OTULIN: variants seen among roughly 807,000 people sequenced by gnomAD.
OTULIN encodes the protein OTU deubiquitinase with linear linkage specificity.
In OTULIN, 15 loss-of-function variants were observed where a neutral mutation model predicts 39.6. The observed-to-expected ratio is 0.38, with a 90% CI of 0.25 to 0.58. The LOEUF (loss-of-function observed/expected upper bound fraction) is 0.58, where lower values mean the gene tolerates loss of function less well. Among genes scored for constraint, OTULIN ranks in the 20% least tolerant of loss-of-function variants. OTULIN has a pLI of 0.66. For synonymous variants in OTULIN, 156 were observed against 170.3 expected, an observed-to-expected ratio of 0.92 and a Z score of 0.65; for missense variants, 319 against 445.9, an observed-to-expected ratio of 0.72 and a Z score of 2.56.
At chr5:14,704,687 G>A (rs988080428), downstream of OTULIN, 1 of 152,122 alleles carries the variant, frequency 6.6e-6, no homozygotes, top group Non-Finnish European at 1.5e-5. Context: ...AATCTCTCAG[G>A]TAAATTTGAT....
At chr5:14,665,049 TG>T in intron 1 of OTULIN, 72 bp downstream of exon 1, 1 of 960,042 alleles carries the variant, frequency 1.0e-6, no homozygotes, top group Non-Finnish European at 1.2e-6. Flanking sequence ...CGGGCTGGGG[TG>T]GGGAGTCGTC....
At chr5:14,689,134 C>A (rs957801354) in intron 5 of OTULIN, among the ~76,000 whole-genome samples, 8 of 152,238 alleles carry the variant, frequency 5.3e-5, no homozygotes, top group Admixed American at 5.2e-4. Context: ...GCAAAAACCA[C>A]CACAGCTGCT....
chr5:14,693,154 C>T lies in OTULIN; in HGVS notation c.*106C>T, dbSNP rs1303431407. On this transcript the variant is annotated 3_prime_UTR_variant, in exon 7 of 7. Coordinates refer to ENST00000284274, the MANE Select transcript of OTULIN (RefSeq NM_138348.6). ...CTCTAAGAACAATCTCTGAGAAGAACCCTTGGGCCCCTGGGAGCCAAGTTG... is the reference window on the plus strand; with the variant it reads ...CTCTAAGAACAATCTCTGAGAAGAATCCTTGGGCCCCTGGGAGCCAAGTTG... The T allele has an allele frequency of 2.4e-5, 27 of 1,116,676 alleles. No individual in the cohort carries two copies. The Admixed American group carries it at 6.9e-4, about 29-fold the overall frequency. 69.2% of individuals were successfully genotyped at this position (1,116,676 alleles called of 1,614,324 possible).
At chr5:14,678,002 T>C (rs1736148519) in intron 2 of OTULIN, among the ~76,000 whole-genome samples, 1 of 152,226 alleles carries the variant, frequency 6.6e-6, no homozygotes, top group Non-Finnish European at 1.5e-5. Context: ...ACAAAGTCCC[T>C]GCCCTCAAGG....
chr5:14,672,475 G>A (rs1736002652), intron 1 of OTULIN, among the ~76,000 whole-genome samples: 1 of 152,108 alleles, frequency 6.6e-6, no homozygotes, highest in Admixed American at 6.5e-5. Context: ...TTGGGGGTAG[G>A]GATATCTCAG....
Position 14,698,757 on chromosome 5 carries a change from A to C in OTULIN, c.*5709A>C, listed in dbSNP as rs1201429589. 6.6e-6 allele frequency: 1 copy of C among 152,330 alleles called. No individual in the cohort carries two copies. The highest frequency in any genetic ancestry group is 1.9e-4 in the East Asian group (1 of 5,192). 9.4% of individuals were successfully genotyped at this position (152,330 alleles called of 1,614,324 possible). A position where few individuals can be genotyped will look rare whatever the true frequency, so the allele number is the denominator to read the frequency against. On this transcript the variant is annotated 3_prime_UTR_variant, in exon 7 of 7. Transcript: ENST00000284274. ...CTTGACCCCTGGCCATTGTGAGCAG[A>C]GGAATCAAGGGTTTAGGGAGGCAGT... is the stretch of plus-strand genomic sequence containing the variant.
chr5:14,715,041 TTC>T, the OTULIN span, among the ~76,000 whole-genome samples: 1 of 152,216 alleles, frequency 6.6e-6, no homozygotes, highest in Admixed American at 6.5e-5. Context: ...ATTTCTCCAT[TTC>T]TGTCACAGCC....
intron 4 of OTULIN, 134 bp downstream of exon 4, chr5:14,681,741 G>A: frequency 9.7e-7 from 1 of 1,036,182 alleles, no homozygotes; most frequent in Non-Finnish European, 1.3e-6. Flanking sequence ...TCAGTTTTGT[G>A]TGGCTGGGGT....
intron 1 of OTULIN, among the ~76,000 whole-genome samples, chr5:14,667,329 T>C (rs1365698673): frequency 6.6e-6 from 1 of 152,240 alleles, no homozygotes; most frequent in Non-Finnish European, 1.5e-5. Context: ...ATTTCACACG[T>C]GAGAGAAGTG....
At chr5:14,708,258 C>G in the OTULIN span, 1 of 152,208 alleles carries the variant, frequency 6.6e-6, no homozygotes, top group African/African-American at 2.4e-5. Flanking sequence ...CTGCCCAAAC[C>G]TATTATTTCT....
At chr5:14,711,828 G>A in the OTULIN span, among the ~76,000 whole-genome samples, 1 of 152,146 alleles carries the variant, frequency 6.6e-6, no homozygotes, top group African/African-American at 2.4e-5. Context: ...TACAATAAAT[G>A]GCCTCTCAGG....
chr5:14,692,287 A>T (rs1304254529), intron 6 of OTULIN, among the ~76,000 whole-genome samples: 9 of 152,254 alleles, frequency 5.9e-5, no homozygotes. Flanking sequence ...ACCATTTTAA[A>T]GTGTACATCT....
the OTULIN span, chr5:14,707,895 C>G: frequency 6.6e-6 from 1 of 152,140 alleles, no homozygotes; most frequent in East Asian, 1.9e-4. Context: ...AAACCCGATG[C>G]AGGCAGTCAT....
chr5:14,697,897 A>T lies in OTULIN; in HGVS notation c.*4849A>T, dbSNP rs1298469814. On this transcript the variant is annotated 3_prime_UTR_variant, in exon 7 of 7. Coordinates refer to ENST00000284274, the MANE Select transcript of OTULIN (RefSeq NM_138348.6). ...GCAGAAGTACTTGAGCTTAATTCTG[A>T]ACTTCAAAGTAATATTTTATACTTA... The T allele has an allele frequency of 2.6e-5, 4 of 152,184 alleles. No individual in the cohort carries two copies. Among genetic ancestry groups the T allele is most frequent in the Non-Finnish European group, 5.9e-5 (4 of 68,026 alleles). 9.4% of individuals were successfully genotyped at this position (152,184 alleles called of 1,614,324 possible).
chr5:14,680,178 G>GTAA (rs778160249), intron 3 of OTULIN, among the ~76,000 whole-genome samples: 19 of 152,350 alleles, frequency 1.2e-4, no homozygotes, highest in South Asian at 2.1e-4. Context: ...GGTAATTGAG[G>GTAA]TTTACCATAG....
chr5:14,667,499 A>G (rs1265006265), intron 1 of OTULIN, among the ~76,000 whole-genome samples: 1 of 152,174 alleles, frequency 6.6e-6, no homozygotes, highest in Non-Finnish European at 1.5e-5. Flanking sequence ...CAGCCTCCTA[A>G]GTAGCTGGGG....
At chr5:14,709,985 A>G in the OTULIN span, 3 of 152,216 alleles carry the variant, frequency 2.0e-5, no homozygotes, top group Non-Finnish European at 4.4e-5. Flanking sequence ...CGTGTCTATA[A>G]TTTTTTTAAA....
intron 1 of OTULIN, 110 bp from the exon 2 acceptor site, chr5:14,673,532 G>T: frequency 1.4e-6 from 1 of 729,852 alleles, no homozygotes; most frequent in South Asian, 2.8e-5. Flanking sequence ...CATGTAAAGT[G>T]AAAAAAGTTA....
Position 14,664,843 on chromosome 5 carries a change from GC to G in OTULIN, c.22del (p.Gln8SerfsTer55). On this transcript the variant is annotated frameshift_variant, in exon 1 of 7. Transcript: ENST00000284274. LOFTEE classifies it high-confidence loss of function. ...GCGACCGCATGAGTCGGGGGACTATGCCCCAGCCCGAAGCGTGGCCAGGCGC... is the reference window on the plus strand; with the variant it reads ...GCGACCGCATGAGTCGGGGGACTATGCCCAGCCCGAAGCGTGGCCAGGCGC... MSRGTM[P>X]QPEAWPGASC... is the part of the protein sequence containing the mutation. 8.2e-7 allele frequency: 1 copy of G among 1,216,042 alleles called. No individual in the cohort carries two copies. Among genetic ancestry groups the G allele is most frequent in the Non-Finnish European group, 1.0e-6 (1 of 976,590 alleles). The allele number at this position is 1,216,042 out of a possible 1,614,324, so 75.3% of individuals were successfully genotyped here.
Sources: gnomAD v4.1 joint callset for allele counts (sites outside exome capture counted in the v4.1 genomes callset) on GRCh38, gnomAD v4.1.1 for gene constraint, MANE v1.5 for transcripts, NCBI Gene and HGNC (gene_info 2026-07-23, HGNC 2026-07-21) for gene names.